Variants in SEC23B observed in about 807,000 individuals in gnomAD.
The protein encoded by SEC23B is protein transport protein Sec23B.
In SEC23B, 77 loss-of-function variants were observed where a neutral mutation model predicts 104.3. The ratio of observed to expected loss-of-function variants is 0.74; its 90% CI spans 0.61 to 0.89. The LOEUF (loss-of-function observed/expected upper bound fraction) is 0.89. Among genes scored for constraint, SEC23B ranks in the 40% least tolerant of loss-of-function variants. The pLI, the probability that SEC23B is intolerant of heterozygous loss-of-function variation, is 0.00. For missense variants in SEC23B, 885 were observed against 949.4 expected (o/e 0.93, Z 0.89); for synonymous variants, 338 against 332.5 (o/e 1.02, Z -0.18).
At chr20:18,537,557 AG>A in intron 12 of SEC23B, among the ~76,000 whole-genome samples, 1 of 152,038 alleles carries the variant, frequency 6.6e-6, no homozygotes, top group Middle Eastern at 3.4e-3. Flanking sequence ...GGACACAGGA[AG>A]GGGAACATCA....
intron 9 of SEC23B, 72 bp from the exon 10 acceptor site, chr20:18,530,608 T>C: frequency 6.5e-7 from 1 of 1,544,800 alleles, no homozygotes; most frequent in South Asian, 1.2e-5. Flanking sequence ...ATTATTTTTG[T>C]AAATACTGAG....
intron 19 of SEC23B, among the ~76,000 whole-genome samples, chr20:18,560,348 T>G (rs1030140188): frequency 6.6e-6 from 1 of 151,986 alleles, no homozygotes; most frequent in African/African-American, 2.4e-5. Context: ...GAGCTCACAG[T>G]GGTGGGGAGC....
rs777262857 is a variant in SEC23B, at chr20:18,548,705, C to A, written c.1840C>A (p.Leu614Met). 6.2e-7 allele frequency: 1 copy of A among 1,614,178 alleles called. No homozygotes were observed. Among genetic ancestry groups the A allele is most frequent in the Non-Finnish European group, 8.5e-7 (1 of 1,180,014 alleles). The change falls in exon 16 of 20, where the codon CTG becomes ATG. Residue 614 changes from leucine (L) to methionine (M), a missense_variant. By Grantham distance (15) the Leu-to-Met change is conservative. Transcript: ENST00000650089. Reference sequence around the variant, plus strand: ...CAGACATCATTTTGCCCGGCAGGACCTGACCCAGTCCCTCATCATGATCCA... The same window carrying A: ...CAGACATCATTTTGCCCGGCAGGACATGACCCAGTCCCTCATCATGATCCA... ...YYRHHFARQD[L>M]TQSLIMIQPI...
intron 10 of SEC23B, 78 bp downstream of exon 10, chr20:18,530,881 AT>A: frequency 1.7e-6 from 2 of 1,199,880 alleles, no homozygotes; most frequent in South Asian, 1.3e-5. Context: ...GTCTCAGGCA[AT>A]TTTCCCGCCT....
chr20:18,508,712 G>GCTT (rs2059954217), intron 1 of SEC23B, among the ~76,000 whole-genome samples: 1 of 89,616 alleles, frequency 1.1e-5, no homozygotes, highest in African/African-American at 3.7e-5. Context: ...GGAGGCAGTA[G>GCTT]CTTCTTTTTT....
intron 9 of SEC23B, among the ~76,000 whole-genome samples, chr20:18,529,018 A>G (rs958029323): frequency 6.6e-6 from 1 of 152,204 alleles, no homozygotes; most frequent in African/African-American, 2.4e-5. Flanking sequence ...ATCCAAATAC[A>G]TTGTTTTCTG....
Position 18,560,798 on chromosome 20 carries a change from A to C in SEC23B, c.*58A>C, listed in dbSNP as rs1352812694. ...CAGATTGTGTTCAAAATGTCTAGAA[A>C]GGCTTGATAACATTCCTGTTACTTT... is the stretch of plus-strand genomic sequence containing the variant. On this transcript the variant is annotated 3_prime_UTR_variant, in exon 20 of 20. Coordinates refer to ENST00000650089, the MANE Select transcript of SEC23B (RefSeq NM_006363.6). The C allele has an allele frequency of 1.6e-6, 2 of 1,278,228 alleles. No individual in the cohort carries two copies. Among genetic ancestry groups the C allele is most frequent in the African/African-American group, 2.9e-5 (2 of 68,282 alleles). The allele number at this position is 1,278,228 out of a possible 1,614,324, so 79.2% of individuals were successfully genotyped here. A position where few individuals can be genotyped will look rare whatever the true frequency, so the allele number is the denominator to read the frequency against.
chr20:18,531,539 C>A lies in SEC23B; in HGVS notation c.1233+736C>A, dbSNP rs112088095. On this transcript the variant is annotated intron_variant, in intron 10 of 19. Coordinates refer to ENST00000650089, the MANE Select transcript of SEC23B (RefSeq NM_006363.6). ...GGCGTGGTGGCACATGCCTGTAGCCCCAGCTACTTGGGAGGCTGAGGCAGG... is the reference window on the plus strand; with the variant it reads ...GGCGTGGTGGCACATGCCTGTAGCCACAGCTACTTGGGAGGCTGAGGCAGG... Among the ~76,000 whole-genome samples, 753 of 151,678 alleles carry A rather than the reference C, an allele frequency of 5.0e-3. 8 individuals carry two copies. Among genetic ancestry groups the A allele is most frequent in the African/African-American group, 0.017 (720 of 41,356 alleles).
intron 17 of SEC23B, among the ~76,000 whole-genome samples, chr20:18,553,269 A>G (rs888233459): frequency 1.3e-5 from 2 of 152,244 alleles, no homozygotes; most frequent in African/African-American, 4.8e-5. Context: ...CCCATAGGCC[A>G]ACAGTCAATC....
intron 4 of SEC23B, among the ~76,000 whole-genome samples, chr20:18,523,397 C>CTTTTTTTTTTTT (rs112136906): frequency 6.1e-5 from 8 of 130,562 alleles, no homozygotes; most frequent in Non-Finnish European, 1.3e-4. Flanking sequence ...TCTTTCCTTT[C>CTTTTTTTTTTTT]TTTTTTTTTT....
chr20:18,513,417 G>A (rs1290314522), intron 3 of SEC23B, among the ~76,000 whole-genome samples: 2 of 151,918 alleles, frequency 1.3e-5, no homozygotes, highest in Non-Finnish European at 2.9e-5. Context: ...TTGCACAACT[G>A]TACGTTTTCT....
chr20:18,545,789 T>G (rs1316145090), intron 14 of SEC23B, among the ~76,000 whole-genome samples, 167 bp from the exon 15 acceptor site: 1 of 152,218 alleles, frequency 6.6e-6, no homozygotes, highest in Non-Finnish European at 1.5e-5. Context: ...CCTGGTCATT[T>G]GCCTGCTCAC....
intron 4 of SEC23B, among the ~76,000 whole-genome samples, chr20:18,519,545 G>T (rs1281185641): frequency 6.6e-6 from 1 of 152,164 alleles, no homozygotes; most frequent in Non-Finnish European, 1.5e-5. Context: ...ACAGTGCGCG[G>T]TCCCGTTCCT....
At chr20:18,523,461 G>T (rs2060104672) in intron 4 of SEC23B, among the ~76,000 whole-genome samples, 1 of 134,246 alleles carries the variant, frequency 7.4e-6, no homozygotes, top group Non-Finnish European at 1.6e-5. Flanking sequence ...GGAGTGCAAT[G>T]GCACGATCTC....
At chr20:18,518,587 T>TTTTTTTG (rs2060053819) in intron 4 of SEC23B, among the ~76,000 whole-genome samples, 1 of 96,728 alleles carries the variant, frequency 1.0e-5, no homozygotes, top group Non-Finnish European at 2.6e-5. Flanking sequence ...AGGAGGTTTT[T>TTTTTTTG]TTTTTTTTTT....
At chr20:18,514,133 T>C (rs2060004457) in intron 3 of SEC23B, among the ~76,000 whole-genome samples, 1 of 152,230 alleles carries the variant, frequency 6.6e-6, no homozygotes, top group South Asian at 2.1e-4. Context: ...TCTGCAAGTC[T>C]ATGTGTCCTA....
chr20:18,536,570 T>C (rs1162812534), intron 12 of SEC23B, among the ~76,000 whole-genome samples: 1 of 152,024 alleles, frequency 6.6e-6, no homozygotes. Flanking sequence ...TGGGTGCCTG[T>C]AGTCCCAGCT....
At chr20:18,557,482 C>G (rs966100451) in intron 19 of SEC23B, among the ~76,000 whole-genome samples, 17 of 152,082 alleles carry the variant, frequency 1.1e-4, no homozygotes, top group Non-Finnish European at 2.1e-4. Flanking sequence ...TTATCACAGT[C>G]TACTGGTGTT....
intron 17 of SEC23B, among the ~76,000 whole-genome samples, chr20:18,553,680 T>C (rs1169912028): frequency 5.3e-5 from 8 of 152,214 alleles, no homozygotes; most frequent in Non-Finnish European, 1.2e-4. Context: ...TCAACACTCA[T>C]ACTTTGATTC....
Sources: allele counts gnomAD v4.1 joint callset (sites outside exome capture counted in the v4.1 genomes callset), GRCh38; gene constraint gnomAD v4.1.1; transcripts MANE v1.5; gene names NCBI Gene and HGNC (gene_info 2026-07-23, HGNC 2026-07-21).